FBXW4: variants seen among roughly 807,000 people sequenced by gnomAD.
FBXW4 encodes the protein F-box/WD repeat-containing protein 4.
FBXW4 carries 40 observed loss-of-function variants against 61.8 expected under a neutral mutation model. That is an observed-to-expected ratio of 0.65 (90% confidence interval 0.50 to 0.84). The LOEUF is 0.84. Ranked by LOEUF, FBXW4 falls within the 40% of genes least tolerant of loss-of-function variation. The pLI, the probability that FBXW4 is intolerant of heterozygous loss-of-function variation, is 0.00. For missense variants in FBXW4, 672 were observed against 753.8 expected (o/e 0.89, Z 1.27); for synonymous variants, 311 against 313.8 (o/e 0.99, Z 0.10).
Position 101,611,670 on chromosome 10 carries a change from AC to A in FBXW4, c.1541del (p.Gly514ValfsTer19). The A allele has an allele frequency of 6.2e-7, 1 of 1,614,122 alleles. No homozygotes were observed. Among genetic ancestry groups the A allele is most frequent in the Non-Finnish European group, 8.5e-7 (1 of 1,180,010 alleles). On this transcript the variant is annotated frameshift_variant, in exon 8 of 9. Transcript: ENST00000331272. LOFTEE classifies it high-confidence loss of function. The surrounding 1 kb of genome is among the most constrained non-coding windows in gnomAD (Gnocchi z 4.9). Reference protein sequence around the residue: ...HLLATGSSYYGVVRLWDRRQR... With the variant: ...HLLATGSSYYXVVRLWDRRQR... ...GACGCCGGTCCCACAGCCGTACAACACCGTAGTAGGAGGAACCTGTGGCCAG... is the reference window on the plus strand; with the variant it reads ...GACGCCGGTCCCACAGCCGTACAACACGTAGTAGGAGGAACCTGTGGCCAG...
chr10:101,630,079 C>A (rs139543545), intron 5 of FBXW4, among the ~76,000 whole-genome samples: 381 of 152,306 alleles, frequency 2.5e-3, no homozygotes, highest in African/African-American at 7.3e-3. Flanking sequence ...GTATTCAGTT[C>A]TCTTCAACCC....
intron 1 of FBXW4, among the ~76,000 whole-genome samples, chr10:101,678,117 C>T (rs1264422411): frequency 1.3e-5 from 2 of 152,128 alleles, no homozygotes; most frequent in South Asian, 2.1e-4. Flanking sequence ...GTCAATAGTA[C>T]TTTCTGGGTG....
intron 3 of FBXW4, 65 bp downstream of exon 3, chr10:101,673,423 G>A: frequency 1.3e-6 from 2 of 1,566,500 alleles, no homozygotes; most frequent in Non-Finnish European, 1.8e-6. Flanking sequence ...AAAAGTCAGA[G>A]GCAGGCAGAA....
At chr10:101,634,670 G>C (rs1222926724) in intron 5 of FBXW4, among the ~76,000 whole-genome samples, 1 of 148,320 alleles carries the variant, frequency 6.7e-6, no homozygotes, top group Non-Finnish European at 1.5e-5. Context: ...AAATGGTATA[G>C]GGTCCACTGA....
At chr10:101,690,993 C>T (rs1305470397) in intron 1 of FBXW4, among the ~76,000 whole-genome samples, 3 of 152,138 alleles carry the variant, frequency 2.0e-5, no homozygotes, top group African/African-American at 7.2e-5. Context: ...CTGTACTAGC[C>T]AGCATTCTAC....
chr10:101,634,791 G>T lies in FBXW4; in HGVS notation c.1236-9981C>A, dbSNP rs187809224. Among the ~76,000 whole-genome samples the T allele has an allele frequency of 2.7e-5, 4 of 148,940 alleles. No individual in the cohort carries two copies. The East Asian group carries it at 7.7e-4, about 29-fold the overall frequency. Reference sequence around the variant, plus strand: ...TGTATGAAAACCCATAAAGGTCTAAGAAAAAAATATAGGAAAATAGTTTTA... The same window carrying T: ...TGTATGAAAACCCATAAAGGTCTAATAAAAAAATATAGGAAAATAGTTTTA... On this transcript the variant is annotated intron_variant, in intron 5 of 8. Coordinates refer to ENST00000331272, the MANE Select transcript of FBXW4 (RefSeq NM_022039.4).
chr10:101,636,893 A>T (rs962768293), intron 5 of FBXW4, among the ~76,000 whole-genome samples: 5 of 152,016 alleles, frequency 3.3e-5, no homozygotes, highest in African/African-American at 1.2e-4. Flanking sequence ...CCAGCCCAGG[A>T]TTACATTTAA....
At chr10:101,651,987 A>C (rs1236216287) in intron 5 of FBXW4, among the ~76,000 whole-genome samples, 1 of 151,994 alleles carries the variant, frequency 6.6e-6, no homozygotes, top group South Asian at 2.1e-4. Context: ...TCAAAGATTC[A>C]CCGGCCCTTT....
intron 5 of FBXW4, among the ~76,000 whole-genome samples, chr10:101,645,986 T>TG (rs1564912709): frequency 6.6e-6 from 1 of 152,120 alleles, no homozygotes; most frequent in African/African-American, 2.4e-5. Context: ...GGTACCTATC[T>TG]GGGGGGATTA....
intron 6 of FBXW4, among the ~76,000 whole-genome samples, chr10:101,612,763 A>G (rs1589734954): frequency 1.4e-5 from 2 of 147,258 alleles, no homozygotes; most frequent in African/African-American, 5.1e-5. Context: ...ACTCCTCCTC[A>G]GGACAATGAA....
intron 5 of FBXW4, among the ~76,000 whole-genome samples, chr10:101,627,195 G>A (rs1249859377): frequency 1.3e-5 from 2 of 152,026 alleles, no homozygotes; most frequent in Admixed American, 6.6e-5. Flanking sequence ...TCAGCCTCCT[G>A]TGAAGTGCTT....
chr10:101,641,875 A>G (rs1396832146), intron 5 of FBXW4, among the ~76,000 whole-genome samples: 1 of 110,594 alleles, frequency 9.0e-6, no homozygotes, highest in Non-Finnish European at 2.4e-5. Context: ...ATAGACACAC[A>G]TGTGGCCAGG....
intron 5 of FBXW4, among the ~76,000 whole-genome samples, chr10:101,651,024 G>T (rs1418078303): frequency 6.6e-6 from 1 of 152,198 alleles, no homozygotes; most frequent in Admixed American, 6.5e-5. Context: ...CGGGGAAGAT[G>T]CCTCTGCCTG....
At chr10:101,628,379 C>A (rs1000066042) in intron 5 of FBXW4, among the ~76,000 whole-genome samples, 5 of 152,192 alleles carry the variant, frequency 3.3e-5, no homozygotes, top group Non-Finnish European at 4.4e-5. Context: ...CTAGTCCTTT[C>A]CATACTCATG....
chr10:101,644,433 CA>C (rs1240755282), intron 5 of FBXW4, among the ~76,000 whole-genome samples: 1 of 152,178 alleles, frequency 6.6e-6, no homozygotes, highest in Non-Finnish European at 1.5e-5. Flanking sequence ...ACACTCAAGA[CA>C]ATTGACTTGT....
chr10:101,646,589 C>A (rs2064099831), intron 5 of FBXW4, among the ~76,000 whole-genome samples: 1 of 152,236 alleles, frequency 6.6e-6, no homozygotes, highest in South Asian at 2.1e-4. Context: ...TGTGAGGCAG[C>A]CGGGAAGGCC....
Position 101,611,511 on chromosome 10 carries a change from A to C in FBXW4, c.1585-101T>G. The C allele has an allele frequency of 1.3e-6, 2 of 1,570,888 alleles. No individual in the cohort carries two copies. Among genetic ancestry groups the C allele is most frequent in the Non-Finnish European group, 1.7e-6 (2 of 1,155,090 alleles). On this transcript the variant is annotated intron_variant, in intron 8 of 8. Transcript: ENST00000331272. This position sits in a 1 kb window ranked among gnomAD's most constrained non-coding sequence, Gnocchi z 4.9. ...GCCCAGGGGAAGAGGGACGTGTGCC[A>C]TTGTAGGCTTCTTCCAACCCTTTCT... is the stretch of plus-strand genomic sequence containing the variant.
intron 3 of FBXW4, 64 bp downstream of exon 3, chr10:101,673,424 G>T: frequency 1.3e-6 from 2 of 1,565,884 alleles, no homozygotes; most frequent in Non-Finnish European, 1.8e-6. Flanking sequence ...AAAGTCAGAG[G>T]CAGGCAGAAT....
At chr10:101,660,090 G>A in intron 5 of FBXW4, 8 of 985,446 alleles carry the variant, frequency 8.1e-6, no homozygotes, top group Non-Finnish European at 9.6e-6. Context: ...AAGGGCGGGA[G>A]GGGTCGGAGT....
Sources: allele counts gnomAD v4.1 joint callset (sites outside exome capture counted in the v4.1 genomes callset), GRCh38; gene constraint gnomAD v4.1.1; non-coding constraint Gnocchi (gnomAD v3.1); transcripts MANE v1.5; gene names NCBI Gene and HGNC (gene_info 2026-07-23, HGNC 2026-07-21).